The following AGAP3 variants were observed in gnomAD, a reference collection of about 807,000 sequenced individuals.
AGAP3 encodes the protein ArfGAP with GTPase domain, ankyrin repeat and PH domain 3, also known as arf-GAP with GTPase, ANK repeat and PH domain-containing protein 3.
A neutral mutation model predicts 96.9 loss-of-function variants in AGAP3; 24 were observed. The ratio of observed to expected loss-of-function variants is 0.25; its 90% CI spans 0.18 to 0.35. The LOEUF (loss-of-function observed/expected upper bound fraction) is 0.35, where lower values mean the gene tolerates loss of function less well. Among genes scored for constraint, AGAP3 ranks in the 10% least tolerant of loss-of-function variants. The pLI is 1.00. For synonymous variants in AGAP3, 563 were observed against 536.1 expected (o/e 1.05, Z -0.69); for missense variants, 876 against 1,254.2 (o/e 0.70, Z 4.55).
chr7:151,090,920 GGCAACAGA>G (rs1798371771), intron 1 of AGAP3, among the ~76,000 whole-genome samples: 1 of 152,088 alleles, frequency 6.6e-6, no homozygotes, highest in Non-Finnish European at 1.5e-5. Flanking sequence ...CTCCAGCCTG[GGCAACAGA>G]GCAAGACTCC....
intron 11 of AGAP3, 71 bp downstream of exon 11, chr7:151,134,639 C>T: frequency 6.8e-7 from 1 of 1,461,286 alleles, no homozygotes; most frequent in East Asian, 2.5e-5. Flanking sequence ...GCATTCTGGG[C>T]TTGGCTGCTT....
chr7:151,109,240 A>C (rs60011103), intron 1 of AGAP3, among the ~76,000 whole-genome samples: 1,101 of 86,254 alleles, frequency 0.013, 11 homozygotes, highest in African/African-American at 0.034. Context: ...TTGCATGCCT[A>C]AAGTCCCAGC....
At chr7:151,107,091 C>T (rs1324498782) in intron 1 of AGAP3, among the ~76,000 whole-genome samples, 1 of 152,130 alleles carries the variant, frequency 6.6e-6, no homozygotes, top group Admixed American at 6.6e-5. Flanking sequence ...AGGTAGATCA[C>T]CTGAGGTCAG....
chr7:151,116,139 C>T (rs1003251502), intron 1 of AGAP3, among the ~76,000 whole-genome samples: 3 of 152,178 alleles, frequency 2.0e-5, no homozygotes, highest in Non-Finnish European at 2.9e-5. Context: ...TCGGAGGGCT[C>T]TGGGTAAAGG....
rs1800872793 is a variant in AGAP3, at chr7:151,142,833, T to C, written c.2273+199T>C. Among the ~76,000 whole-genome samples the C allele has an allele frequency of 6.6e-6, 1 of 152,218 alleles. No homozygotes were observed. Among genetic ancestry groups the C allele is most frequent in the Non-Finnish European group, 1.5e-5 (1 of 68,030 alleles). The stretch of plus-strand genomic sequence containing the variant: ...GCGCCTCACAACAACGGGCCCTTTC[T>C]GAGCGTTATCAGCAGGTCAGGGGCC... On this transcript the variant is annotated intron_variant, in intron 16 of 17. Transcript: ENST00000397238. This position sits in a 1 kb window ranked among gnomAD's most constrained non-coding sequence, Gnocchi z 7.5.
chr7:151,117,873 C>T (rs1799673493), intron 5 of AGAP3, 96 bp downstream of exon 5: 3 of 1,452,164 alleles, frequency 2.1e-6, no homozygotes, highest in African/African-American at 2.8e-5. Flanking sequence ...AGCCCCCAAG[C>T]CCCTACTCTT....
At position 151,099,153 on chromosome 7, in the gene AGAP3, C is replaced by T. The variant is rs568694809; in HGVS notation, c.331+12081C>T. Reference sequence around the variant, plus strand: ...GGTCAGGAGATCGAGACCATCCTGGCTAACACAGTGAAACCCCGTCTCTAC... The same window carrying T: ...GGTCAGGAGATCGAGACCATCCTGGTTAACACAGTGAAACCCCGTCTCTAC... On this transcript the variant is annotated intron_variant, in intron 1 of 17. Coordinates refer to ENST00000397238, the MANE Select transcript of AGAP3 (RefSeq NM_031946.7). Among the ~76,000 whole-genome samples the T allele has an allele frequency of 4.3e-3, 649 of 151,934 alleles. 2 individuals carry two copies. Among genetic ancestry groups the T allele is most frequent in the Middle Eastern group, 6.8e-3 (2 of 292 alleles).
intron 1 of AGAP3, among the ~76,000 whole-genome samples, chr7:151,093,015 A>G (rs1012711919): frequency 2.0e-5 from 3 of 151,958 alleles, no homozygotes; most frequent in Non-Finnish European, 4.4e-5. Context: ...TCAATCCCCA[A>G]CTGAATTGAA....
chr7:151,126,938 C>T (rs1800204790), intron 9 of AGAP3, among the ~76,000 whole-genome samples: 1 of 152,222 alleles, frequency 6.6e-6, no homozygotes. Context: ...CATGCTCGCA[C>T]CTCCAGCAAT....
chr7:151,124,676 G>A (rs1397841119), intron 9 of AGAP3, among the ~76,000 whole-genome samples: 1 of 152,198 alleles, frequency 6.6e-6, no homozygotes, highest in Admixed American at 6.5e-5. Flanking sequence ...AGCCTGGCGT[G>A]GCAAGGCCTG....
rs1257188201 is a variant in AGAP3 at position 151,114,314 on chromosome 7, T to G, written c.332-2479T>G. On this transcript the variant is annotated intron_variant, in intron 1 of 17. Transcript: ENST00000397238. This position sits in a 1 kb window ranked among gnomAD's most constrained non-coding sequence, Gnocchi z 4.4. ...CTTGTCATACTTCTGGGCCTCATGT[T>G]CTTGGCTCTTCTGGCTCTTCCTTTG... 6.6e-6 allele frequency among the ~76,000 whole-genome samples: 1 copy of G among 152,260 alleles called. No homozygotes were observed. The highest frequency in any genetic ancestry group is 1.5e-5 in the Non-Finnish European group (1 of 68,046).
Position 151,138,224 on chromosome 7 carries a change from A to AG in AGAP3, c.1581dup (p.Leu528AlafsTer16). 6.2e-7 allele frequency: 1 copy of AG among 1,612,246 alleles called. No individual in the cohort carries two copies. The highest frequency in any genetic ancestry group is 8.5e-7 in the Non-Finnish European group (1 of 1,179,654). ...TCGGCCTGGGCTGGCCCGCGCCCTG[A>AG]GGGGCTGCACCAGCGCTCCTGCTCC... On this transcript the variant is annotated frameshift_variant, in exon 12 of 18. Coordinates refer to ENST00000397238, the MANE Select transcript of AGAP3 (RefSeq NM_031946.7). LOFTEE classifies it high-confidence loss of function.
rs946015693 is a variant in AGAP3 at position 151,086,692 on chromosome 7, C to A, written c.-50C>A. ...GCTGCCGCCGCCGCCGCCGCCGCCG[C>A]CTCCGCCGCGCCGCCCCGGGCCCGC... On this transcript the variant is annotated 5_prime_UTR_variant, in exon 1 of 18. Coordinates refer to ENST00000397238, the MANE Select transcript of AGAP3 (RefSeq NM_031946.7). 3 of 245,982 alleles carry A rather than the reference C, an allele frequency of 1.2e-5. No individual in the cohort carries two copies. Among genetic ancestry groups the A allele is most frequent in the African/African-American group, 7.3e-5 (3 of 41,268 alleles). The allele number at this position is 245,982 out of a possible 1,614,324, so 15.2% of individuals were successfully genotyped here.
chr7:151,142,397 C>T lies in AGAP3; in HGVS notation c.2051-15C>T, dbSNP rs755283790. ...CTGCCTGCTGTCGCTGTATCATTCT[C>T]CTCTCCTTGCCTAGATCCAGACTGG... is the stretch of plus-strand genomic sequence containing the variant. On this transcript the variant is annotated splice_polypyrimidine_tract_variant and intron_variant, in intron 15 of 17. Coordinates refer to ENST00000397238, the MANE Select transcript of AGAP3 (RefSeq NM_031946.7). The surrounding 1 kb of genome is among the most constrained non-coding windows in gnomAD (Gnocchi z 7.5). 1 of 1,610,836 alleles carries T rather than the reference C, an allele frequency of 6.2e-7. No homozygotes were observed. The highest frequency in any genetic ancestry group is 8.5e-7 in the Non-Finnish European group (1 of 1,177,512).
rs1003512516 is a variant in AGAP3 at position 151,115,714 on chromosome 7, G to A, written c.332-1079G>A. ...AGAAAAGCCGGACGCGCCCAGGGCA[G>A]GCGAGCTGCCGCGCGCGTCCGGGGC... On this transcript the variant is annotated intron_variant, in intron 1 of 17. Coordinates refer to ENST00000397238, the MANE Select transcript of AGAP3 (RefSeq NM_031946.7). The A allele has an allele frequency of 9.3e-6, 9 of 972,922 alleles. No homozygotes were observed. The African/African-American group carries it at 1.6e-4, about 17-fold the overall frequency. The allele number at this position is 972,922 out of a possible 1,614,324, so 60.3% of individuals were successfully genotyped here.
intron 12 of AGAP3, among the ~76,000 whole-genome samples, chr7:151,138,701 C>G (rs1273272782): frequency 6.6e-6 from 1 of 152,210 alleles, no homozygotes; most frequent in African/African-American, 2.4e-5. Context: ...GCTCATCAGC[C>G]TCTCGGCAGG....
At position 151,118,603 on chromosome 7, in the gene AGAP3, G is replaced by A. The variant is rs371001392; in HGVS notation, c.940G>A (p.Ala314Thr). The change falls in exon 7 of 18, where the codon GCC (alanine) becomes ACC (threonine). Residue 314 changes from alanine (A) to threonine (T), a missense_variant. Coordinates refer to ENST00000397238, the MANE Select transcript of AGAP3 (RefSeq NM_031946.7). The surrounding 1 kb of genome is among the most constrained non-coding windows in gnomAD (Gnocchi z 6.1). The stretch of plus-strand genomic sequence containing the variant: ...GCCCAGCCACTCGGCCGTGTCCGCC[G>A]CCTCCATCCCGGCCGTGCACATCAA... ...NSPSHSAVSAASIPAVHINQA... is the reference protein window; with the variant it reads ...NSPSHSAVSATSIPAVHINQA... 1.6e-4 allele frequency: 257 copies of A among 1,613,610 alleles called. No individual in the cohort carries two copies. Among genetic ancestry groups the A allele is most frequent in the East Asian group, 5.6e-4 (25 of 44,880 alleles).
rs1800922133 is a variant in AGAP3 at position 151,143,896 on chromosome 7, G to A, written c.2689G>A (p.Gly897Ser). ...APTPNREPAN[G>S]TNPSAELHRS... ...TACCCCCAACAGAGAGCCTGCCAAT[G>A]GCACCAACCCCTCTGCTGAGCTGCA... Residue 897 changes from glycine to serine, a missense_variant, in exon 18 of 18, where the codon GGC (glycine) becomes AGC (serine). Physicochemically the swap from Gly to Ser is moderately conservative, Grantham distance 56. This residue lies in a region of AGAP3 where 213 missense variants were observed against 253.8 expected (regional missense o/e 0.84). Coordinates refer to ENST00000397238, the MANE Select transcript of AGAP3 (RefSeq NM_031946.7). This position sits in a 1 kb window ranked among gnomAD's most constrained non-coding sequence, Gnocchi z 5.9. 6.2e-7 allele frequency: 1 copy of A among 1,614,064 alleles called. No homozygotes were observed. Among genetic ancestry groups the A allele is most frequent in the African/African-American group, 1.3e-5 (1 of 75,042 alleles).
Position 151,142,710 on chromosome 7 carries a change from T to A in AGAP3, c.2273+76T>A. ...GCTCCCAGCATGGGGAAGATTGGAGTGGCTGTGATGGTATTAGAAGGGTTA... is the reference window on the plus strand; with the variant it reads ...GCTCCCAGCATGGGGAAGATTGGAGAGGCTGTGATGGTATTAGAAGGGTTA... On this transcript the variant is annotated intron_variant, in intron 16 of 17. Coordinates refer to ENST00000397238, the MANE Select transcript of AGAP3 (RefSeq NM_031946.7). This position sits in a 1 kb window ranked among gnomAD's most constrained non-coding sequence, Gnocchi z 7.5. 1.4e-6 allele frequency: 2 copies of A among 1,460,030 alleles called. No individual in the cohort carries two copies. The highest frequency in any genetic ancestry group is 1.2e-5 in the South Asian group (1 of 84,082). 90.4% of individuals were successfully genotyped at this position (1,460,030 alleles called of 1,614,324 possible). A position where few individuals can be genotyped will look rare whatever the true frequency, so the allele number is the denominator to read the frequency against.
Sources: gnomAD v4.1 joint callset for allele counts (sites outside exome capture counted in the v4.1 genomes callset) on GRCh38, gnomAD v4.1.1 for gene constraint, gnomAD v4.1.1 regional missense constraint, Gnocchi (gnomAD v3.1) non-coding constraint, MANE v1.5 for transcripts, NCBI Gene and HGNC (gene_info 2026-07-23, HGNC 2026-07-21) for gene names.